Variants in FAM151B observed in about 807,000 individuals in gnomAD.
The protein encoded by FAM151B is protein FAM151B.
A neutral mutation model predicts 31.2 loss-of-function variants in FAM151B; 24 were observed. That is an observed-to-expected ratio of 0.77 (90% CI 0.56 to 1.08). FAM151B has a LOEUF of 1.08. Among genes scored for constraint, FAM151B ranks in the 50% least tolerant of loss-of-function variants. The probability of loss-of-function intolerance (pLI) is 0.00; values close to 1 mark genes in which losing one functional copy is unlikely to be tolerated. For synonymous variants in FAM151B, 105 were observed against 111.4 expected, an observed-to-expected ratio of 0.94 and a Z score of 0.36; for missense variants, 293 against 328.6, an observed-to-expected ratio of 0.89 and a Z score of 0.84.
intron 4 of FAM151B, among the ~76,000 whole-genome samples, chr5:80,521,116 CT>C (rs57212651): frequency 0.089 from 6,357 of 71,734 alleles, 304 homozygotes; most frequent in African/African-American, 0.2. Flanking sequence ...TGCACCTGGC[CT>C]TTTTTTTTTT....
intron 5 of FAM151B, among the ~76,000 whole-genome samples, chr5:80,531,644 T>C (rs566761768): frequency 1.3e-5 from 2 of 152,284 alleles, no homozygotes; most frequent in South Asian, 4.1e-4. Flanking sequence ...AAAATGCTCA[T>C]CATCACTGGC....
intron 1 of FAM151B, chr5:80,498,694 C>T (rs1743635422): frequency 1.7e-6 from 1 of 603,584 alleles, no homozygotes; most frequent in Non-Finnish European, 3.1e-6. Flanking sequence ...TTCAGGACAG[C>T]CAGCTTCATC....
intron 1 of FAM151B, chr5:80,500,301 T>C: frequency 5.4e-6 from 4 of 745,484 alleles, no homozygotes; most frequent in Non-Finnish European, 9.7e-6. Flanking sequence ...ATATATAAGA[T>C]GAGCAAGTTG....
chr5:80,501,367 G>T, intron 1 of FAM151B: 1 of 1,266,402 alleles, frequency 7.9e-7, no homozygotes, highest in South Asian at 1.2e-5. Flanking sequence ...CAACAGGGAG[G>T]ACCAGATCAA....
chr5:80,533,137 G>A (rs930790579), intron 5 of FAM151B, among the ~76,000 whole-genome samples: 1 of 152,072 alleles, frequency 6.6e-6, no homozygotes, highest in Non-Finnish European at 1.5e-5. Context: ...CAGCACTTTG[G>A]GAGGCTGACG....
At chr5:80,500,282 A>G in intron 1 of FAM151B, 2 of 694,992 alleles carry the variant, frequency 2.9e-6, no homozygotes, top group Non-Finnish European at 5.2e-6. Flanking sequence ...GTTAGAGCAT[A>G]CAGAACAGAT....
intron 5 of FAM151B, among the ~76,000 whole-genome samples, chr5:80,535,423 T>C (rs1398813317): frequency 1.3e-5 from 2 of 152,122 alleles, no homozygotes; most frequent in African/African-American, 2.4e-5. Flanking sequence ...TGGGACAGAA[T>C]TGAGAACCCA....
At chr5:80,513,494 C>T in intron 2 of FAM151B, 110 bp from the exon 3 acceptor site, 1 of 1,101,988 alleles carries the variant, frequency 9.1e-7, no homozygotes, top group Non-Finnish European at 1.3e-6. Context: ...CTGAGTGTTA[C>T]TTTTCTTTCC....
Position 80,541,996 on chromosome 5 carries a change from A to AT in FAM151B, c.*164_*165insT. On this transcript the variant is annotated 3_prime_UTR_variant, in exon 6 of 6. Coordinates refer to ENST00000282226, the MANE Select transcript of FAM151B (RefSeq NM_205548.3). ...CTCTGTGGGCATATGTCCTTATAAT[A>AT]GTGCACTTACATAAAAGATTTGGAA... 1.5e-5 allele frequency: 10 copies of AT among 667,042 alleles called. No homozygotes were observed. The highest frequency in any genetic ancestry group is 4.2e-4 in the Middle Eastern group (1 of 2,366). 41.3% of individuals were successfully genotyped at this position (667,042 alleles called of 1,614,324 possible). A position where few individuals can be genotyped will look rare whatever the true frequency, so the allele number is the denominator to read the frequency against.
At position 80,501,407 on chromosome 5, in the gene FAM151B, T is replaced by G. The variant is rs377471221; in HGVS notation, c.26-385T>G. ...CTTACTAGAAGAATGAAATAAGATG[T>G]CTACCATGATTATTTTTCTAAGCTG... On this transcript the variant is annotated intron_variant, in intron 1 of 5. Coordinates refer to ENST00000282226, the MANE Select transcript of FAM151B (RefSeq NM_205548.3). 28 of 728,120 alleles carry G rather than the reference T, an allele frequency of 3.8e-5. 1 individual carries two copies. The African/African-American group carries it at 4.5e-4, about 12-fold the overall frequency. The allele number at this position is 728,120 out of a possible 1,614,324, so 45.1% of individuals were successfully genotyped here.
At chr5:80,492,516 G>A (rs977867666) in intron 1 of FAM151B, among the ~76,000 whole-genome samples, 1 of 152,138 alleles carries the variant, frequency 6.6e-6, no homozygotes, top group Non-Finnish European at 1.5e-5. Flanking sequence ...TCACCAGCCA[G>A]CCATACTCCT....
At chr5:80,491,632 C>A (rs548599954) in intron 1 of FAM151B, among the ~76,000 whole-genome samples, 1 of 152,176 alleles carries the variant, frequency 6.6e-6, no homozygotes, top group Non-Finnish European at 1.5e-5. Context: ...CATCCAATTG[C>A]CCTGGCTGCA....
intron 5 of FAM151B, among the ~76,000 whole-genome samples, chr5:80,527,992 T>C (rs911852105): frequency 2.6e-5 from 4 of 152,182 alleles, no homozygotes; most frequent in African/African-American, 9.7e-5. Context: ...TTTCTTTATA[T>C]CCTATTCTAT....
chr5:80,507,502 G>A (rs960800580), intron 2 of FAM151B, among the ~76,000 whole-genome samples: 1 of 151,920 alleles, frequency 6.6e-6, no homozygotes, highest in Non-Finnish European at 1.5e-5. Context: ...GCAACATGGA[G>A]AAACCCCGTC....
chr5:80,534,337 C>T (rs1459431631), intron 5 of FAM151B, among the ~76,000 whole-genome samples: 1 of 151,524 alleles, frequency 6.6e-6, no homozygotes, highest in East Asian at 1.9e-4. Flanking sequence ...TACTGATGAA[C>T]ATTGATGCAA....
intron 1 of FAM151B, chr5:80,501,454 G>T: frequency 8.9e-6 from 2 of 224,018 alleles, no homozygotes; most frequent in Non-Finnish European, 1.6e-5. Context: ...AACAGTACCT[G>T]CTCTCAAATT....
At position 80,541,779 on chromosome 5, in the gene FAM151B, G is replaced by A. The variant is rs2112689495; in HGVS notation, c.778G>A (p.Glu260Lys). 1 of 1,613,526 alleles carries A rather than the reference G, an allele frequency of 6.2e-7. No homozygotes were observed. Among genetic ancestry groups the A allele is most frequent in the South Asian group, 1.1e-5 (1 of 91,024 alleles). ...DKKQVFYDIL[E>K]PQNHEFKQAI... ...AAAACAAGTTTTCTATGACATCTTG[G>A]AACCACAAAACCATGAATTTAAACA... Residue 260 changes from glutamate to lysine, a missense_variant, in exon 6 of 6, where the codon GAA becomes AAA. Physicochemically the swap from Glu to Lys is moderately conservative, Grantham distance 56. Coordinates refer to ENST00000282226, the MANE Select transcript of FAM151B (RefSeq NM_205548.3).
At chr5:80,527,847 C>G (rs1266746835) in intron 5 of FAM151B, among the ~76,000 whole-genome samples, 11 of 152,084 alleles carry the variant, frequency 7.2e-5, no homozygotes, top group Admixed American at 7.2e-4. Context: ...TCTTTTTCTT[C>G]AAGAATACAT....
intron 5 of FAM151B, among the ~76,000 whole-genome samples, chr5:80,540,486 T>C (rs1292692017): frequency 6.6e-6 from 1 of 152,216 alleles, no homozygotes; most frequent in Non-Finnish European, 1.5e-5. Context: ...TGAATGTTTT[T>C]CCATTCATTG....
Sources: gnomAD v4.1 joint callset for allele counts (sites outside exome capture counted in the v4.1 genomes callset) on GRCh38, gnomAD v4.1.1 for gene constraint, MANE v1.5 for transcripts, NCBI Gene and HGNC (gene_info 2026-07-23, HGNC 2026-07-21) for gene names.